The following DGKB variants were observed in gnomAD, a reference collection of about 807,000 sequenced individuals.
The protein encoded by DGKB is diacylglycerol kinase beta, also known as 90 kDa diacylglycerol kinase.
Under a neutral mutation model 114.3 loss-of-function variants are expected in DGKB, and 67 were observed. The ratio of observed to expected loss-of-function variants is 0.59; its 90% confidence interval spans 0.48 to 0.72. The LOEUF is 0.72. Ranked by LOEUF, DGKB falls within the 30% of genes least tolerant of loss-of-function variation. The pLI is 0.00. For synonymous variants in DGKB, 398 were observed against 323.1 expected, an observed-to-expected ratio of 1.23 and a Z score of -2.49; for missense variants, 907 against 975.2, an observed-to-expected ratio of 0.93 and a Z score of 0.93.
At chr7:14,310,552 G>A (rs750350214) in intron 23 of DGKB, among the ~76,000 whole-genome samples, 1 of 152,122 alleles carries the variant, frequency 6.6e-6, no homozygotes. Context: ...AACCAATCAA[G>A]AATGGATAAT....
chr7:14,799,818 T>C (rs1586595001), intron 2 of DGKB, among the ~76,000 whole-genome samples: 1 of 152,218 alleles, frequency 6.6e-6, no homozygotes, highest in African/African-American at 2.4e-5. Flanking sequence ...AACCAGCAGA[T>C]TGGGATGGTG....
At chr7:14,793,922 G>A (rs1326874228) in intron 2 of DGKB, among the ~76,000 whole-genome samples, 1 of 152,076 alleles carries the variant, frequency 6.6e-6, no homozygotes, top group Non-Finnish European at 1.5e-5. Context: ...AGAAGGTACA[G>A]GAAGAAAGAA....
At chr7:14,417,291 T>C (rs947940238) in intron 21 of DGKB, among the ~76,000 whole-genome samples, 1 of 152,098 alleles carries the variant, frequency 6.6e-6, no homozygotes, top group Admixed American at 6.6e-5. Flanking sequence ...GATTGTTATA[T>C]GCAGATGCTG....
intron 17 of DGKB, among the ~76,000 whole-genome samples, chr7:14,604,212 A>G (rs1346693506): frequency 6.6e-6 from 1 of 152,164 alleles, no homozygotes; most frequent in Non-Finnish European, 1.5e-5. Context: ...GAGATGATTT[A>G]TATAAAGAGA....
intron 21 of DGKB, among the ~76,000 whole-genome samples, chr7:14,363,086 G>A (rs1162173113): frequency 2.0e-5 from 3 of 152,114 alleles, no homozygotes; most frequent in Non-Finnish European, 2.9e-5. Flanking sequence ...CACTAGGAGA[G>A]GGAGACACAG....
chr7:14,874,323 A>G (rs1189974308), intron 1 of DGKB, among the ~76,000 whole-genome samples: 1 of 152,134 alleles, frequency 6.6e-6, no homozygotes, highest in Admixed American at 6.6e-5. Context: ...TTACAAAAAT[A>G]CGATTTTTAG....
chr7:14,714,929 T>C (rs1827952771), intron 6 of DGKB, among the ~76,000 whole-genome samples: 1 of 152,214 alleles, frequency 6.6e-6, no homozygotes, highest in Non-Finnish European at 1.5e-5. Context: ...TTTAATTTAC[T>C]TTTATTTCAC....
intron 23 of DGKB, among the ~76,000 whole-genome samples, chr7:14,319,077 A>T (rs551244118): frequency 1.0e-3 from 154 of 149,916 alleles, no homozygotes; most frequent in African/African-American, 3.6e-3. Context: ...CATAGGTGGG[A>T]ATTGAACAAT....
intron 1 of DGKB, among the ~76,000 whole-genome samples, chr7:14,871,240 C>T (rs1562775536): frequency 6.6e-6 from 1 of 152,116 alleles, no homozygotes; most frequent in Non-Finnish European, 1.5e-5. Context: ...ATATATGTAT[C>T]ATTTCTTTGT....
At position 14,773,200 on chromosome 7, in the gene DGKB, A is replaced by G. The variant is rs182536787; in HGVS notation, c.71-15469T>C. The stretch of plus-strand genomic sequence containing the variant: ...AAATAATTAGGTGTTAAATGATTAA[A>G]TAATTGATACTTTAGTGCTTTATAT... On this transcript the variant is annotated intron_variant, in intron 2 of 25. Coordinates refer to ENST00000402815, the MANE Select transcript of DGKB (RefSeq NM_001350709.2). Among the ~76,000 whole-genome samples the G allele has an allele frequency of 2.6e-4, 40 of 152,322 alleles. 1 individual carries two copies. In the East Asian group the frequency reaches 7.7e-3, roughly 29 times the overall value.
chr7:14,446,445 C>T (rs1353319940), intron 21 of DGKB, among the ~76,000 whole-genome samples: 1 of 152,030 alleles, frequency 6.6e-6, no homozygotes, highest in Non-Finnish European at 1.5e-5. Context: ...CAGAAATTCA[C>T]CTTGTTAATT....
In DGKB at chr7:14,288,254, G is replaced by GA. The variant is rs11314793; in HGVS notation, c.2122+50260dup. Reference sequence around the variant, plus strand: ...TTTTAATTTTTTTTTTTTGTTAAAAGAAAAAAAAAAAAAAAGAAACAAACT... The same window carrying GA: ...TTTTAATTTTTTTTTTTTGTTAAAAGAAAAAAAAAAAAAAAAGAAACAAACT... On this transcript the variant is annotated intron_variant, in intron 23 of 25. Transcript: ENST00000402815. Among the ~76,000 whole-genome samples the GA allele has an allele frequency of 7.5e-3, 508 of 67,748 alleles. 7 individuals are homozygous for GA. The highest frequency in any genetic ancestry group is 0.01 in the South Asian group (17 of 1,676). The allele number at this position is 67,748 out of a possible 152,430, so 44.4% of individuals were successfully genotyped here.
intron 20 of DGKB, among the ~76,000 whole-genome samples, chr7:14,514,076 C>T (rs1788392860): frequency 6.6e-6 from 1 of 151,860 alleles, no homozygotes; most frequent in African/African-American, 2.4e-5. Context: ...CTATAAAATG[C>T]CAATGGAAAC....
At chr7:14,345,957 C>G (rs926869229) in intron 21 of DGKB, among the ~76,000 whole-genome samples, 1 of 150,528 alleles carries the variant, frequency 6.6e-6, no homozygotes, top group African/African-American at 2.4e-5. Flanking sequence ...CTTAATGTAA[C>G]TTTACAAAGG....
chr7:14,907,851 G>C (rs957942958), upstream of DGKB, among the ~76,000 whole-genome samples: 30 of 152,110 alleles, frequency 2.0e-4, no homozygotes, highest in Admixed American at 1.6e-3. Context: ...ATATTAATTA[G>C]GGGAGAAGAT....
At chr7:14,890,158 T>C (rs1157502760) in intron 1 of DGKB, among the ~76,000 whole-genome samples, 1 of 151,576 alleles carries the variant, frequency 6.6e-6, no homozygotes, top group Non-Finnish European at 1.5e-5. Flanking sequence ...GGGCACATGC[T>C]ATATTGTGTT....
intron 2 of DGKB, among the ~76,000 whole-genome samples, chr7:14,828,343 G>T (rs570117213): frequency 2.0e-5 from 3 of 152,122 alleles, no homozygotes; most frequent in African/African-American, 7.2e-5. Flanking sequence ...GAAGTCAGAG[G>T]TTACTGACAA....
intron 21 of DGKB, among the ~76,000 whole-genome samples, chr7:14,399,643 T>G (rs931912595): frequency 5.9e-5 from 9 of 151,864 alleles, no homozygotes; most frequent in African/African-American, 2.2e-4. Context: ...AGTTTTGATT[T>G]TAGCCTGAGA....
chr7:14,445,152 C>G (rs552257675), intron 21 of DGKB, among the ~76,000 whole-genome samples: 44 of 151,664 alleles, frequency 2.9e-4, no homozygotes, highest in Non-Finnish European at 6.2e-4. Context: ...CTCTCTTGTT[C>G]CTTTATTCTT....
Sources: allele counts gnomAD v4.1 joint callset (sites outside exome capture counted in the v4.1 genomes callset), GRCh38; gene constraint gnomAD v4.1.1; transcripts MANE v1.5; gene names NCBI Gene and HGNC (gene_info 2026-07-23, HGNC 2026-07-21).